RBFOX1: variants seen among roughly 807,000 people sequenced by gnomAD.
The protein encoded by RBFOX1 is RNA binding fox-1 homolog 1.
A neutral mutation model predicts 57.7 loss-of-function variants in RBFOX1; 8 were observed. That is an observed-to-expected ratio of 0.14 (90% CI 0.08 to 0.25). The LOEUF (loss-of-function observed/expected upper bound fraction) is 0.25, where lower values mean the gene tolerates loss of function less well. Among genes scored for constraint, RBFOX1 ranks in the 10% least tolerant of loss-of-function variants. The pLI, the probability that RBFOX1 is intolerant of heterozygous loss-of-function variation, is 1.00. For missense variants in RBFOX1, 611 were observed against 548.5 expected, an observed-to-expected ratio of 1.11 and a Z score of -1.14; for synonymous variants, 326 against 222.4, an observed-to-expected ratio of 1.47 and a Z score of -4.15.
chr16:7,677,126 T>TACACACACACACACACACACAC (rs1314598196), intron 14 of RBFOX1, among the ~76,000 whole-genome samples: 318 of 51,196 alleles, frequency 6.2e-3, no homozygotes, highest in Admixed American at 0.019. Context: ...CTTGCTCACA[T>TACACACACACACACACACACAC]ACACATACAC....
intron 1 of RBFOX1, among the ~76,000 whole-genome samples, chr16:6,140,580 G>T (rs2152699392): frequency 6.6e-6 from 1 of 152,196 alleles, no homozygotes; most frequent in Non-Finnish European, 1.5e-5. Context: ...TCATTCACCT[G>T]GGCAATGAGA....
At chr16:7,356,193 T>C (rs1480039157) in intron 4 of RBFOX1, among the ~76,000 whole-genome samples, 2 of 152,230 alleles carry the variant, frequency 1.3e-5, no homozygotes, top group African/African-American at 2.4e-5. Context: ...GGCAGAGTTC[T>C]AGGCACTGAG....
rs777697694 is a variant in RBFOX1, at chr16:7,247,409, T to C, written c.27+195311T>C. Among the ~76,000 whole-genome samples, 11 of 152,264 alleles carry C rather than the reference T, an allele frequency of 7.2e-5. No homozygotes were observed. In the East Asian group the frequency reaches 1.9e-3, roughly 27 times the overall value. ...TGGAGAAGGAGCAAATACTCCTCTA[T>C]GGTGATCTACCACACACTAAGAGTT... On this transcript the variant is annotated intron_variant, in intron 4 of 15. Transcript: ENST00000550418.
intron 3 of RBFOX1, among the ~76,000 whole-genome samples, chr16:5,689,011 G>T (rs2050589503): frequency 6.6e-6 from 1 of 152,152 alleles, no homozygotes; most frequent in Non-Finnish European, 1.5e-5. Context: ...GTTAAAAAAA[G>T]AAACAAAATC....
chr16:5,796,048 A>G (rs190353577), intron 3 of RBFOX1, among the ~76,000 whole-genome samples: 121 of 152,318 alleles, frequency 7.9e-4, no homozygotes, highest in Admixed American at 7.8e-3. Flanking sequence ...AGTTGAATCT[A>G]GTGCATTTTC....
chr16:6,547,031 G>T (rs2096906026), intron 2 of RBFOX1, among the ~76,000 whole-genome samples: 1 of 152,194 alleles, frequency 6.6e-6, no homozygotes, highest in Admixed American at 6.5e-5. Context: ...TTTTTAAAGT[G>T]CCTGAGCATG....
At chr16:7,339,185 C>T (rs924134433) in intron 4 of RBFOX1, among the ~76,000 whole-genome samples, 1 of 152,132 alleles carries the variant, frequency 6.6e-6, no homozygotes, top group Non-Finnish European at 1.5e-5. Flanking sequence ...GGCTGCAAAA[C>T]AAAAGCAGGA....
chr16:5,458,714 C>A (rs1435099864), intron 1 of RBFOX1, among the ~76,000 whole-genome samples: 1 of 152,216 alleles, frequency 6.6e-6, no homozygotes, highest in African/African-American at 2.4e-5. Flanking sequence ...TTTTGGCTAT[C>A]TGTATTCCTA....
chr16:7,079,916 G>A (rs1382035856), intron 4 of RBFOX1, among the ~76,000 whole-genome samples: 2 of 151,728 alleles, frequency 1.3e-5, no homozygotes. Flanking sequence ...TGGGTGGATG[G>A]TGGTGATGGT....
intron 2 of RBFOX1, among the ~76,000 whole-genome samples, chr16:6,319,193 C>G (rs12919461): frequency 0.15 from 22,930 of 152,012 alleles, 2,103 homozygotes; most frequent in South Asian, 0.27. Context: ...GACACTGGGC[C>G]TGGGCTGATG....
At chr16:6,326,371 G>C (rs897628421) in intron 2 of RBFOX1, among the ~76,000 whole-genome samples, 1 of 152,164 alleles carries the variant, frequency 6.6e-6, no homozygotes, top group African/African-American at 2.4e-5. Context: ...ATCCATGTGA[G>C]ATTAACTATC....
In RBFOX1 at chr16:6,955,450, A is replaced by C. The variant is rs150104860; in HGVS notation, c.-15-96607A>C. Among the ~76,000 whole-genome samples, 309 of 151,934 alleles carry C rather than the reference A, an allele frequency of 2.0e-3. 2 individuals are homozygous for C. The highest frequency in any genetic ancestry group is 6.7e-3 in the African/African-American group (279 of 41,424). On this transcript the variant is annotated intron_variant, in intron 3 of 15. Coordinates refer to ENST00000550418, the MANE Select transcript of RBFOX1 (RefSeq NM_018723.4). Reference sequence around the variant, plus strand: ...TTATGAGAACGTTGTTCTGTGTTCCACTGGTTAGAAGTACTTAAAATGATC... The same window carrying C: ...TTATGAGAACGTTGTTCTGTGTTCCCCTGGTTAGAAGTACTTAAAATGATC...
At chr16:5,839,450 C>A (rs531080205) in intron 3 of RBFOX1, among the ~76,000 whole-genome samples, 65 of 152,260 alleles carry the variant, frequency 4.3e-4, no homozygotes, top group Non-Finnish European at 7.2e-4. Context: ...ATTATCTGGT[C>A]CTGATTCACC....
At chr16:5,853,562 C>T (rs1165199851) in intron 3 of RBFOX1, among the ~76,000 whole-genome samples, 1 of 152,158 alleles carries the variant, frequency 6.6e-6, no homozygotes, top group African/African-American at 2.4e-5. Flanking sequence ...GGTTACATGC[C>T]TTTCTTTTTG....
intron 2 of RBFOX1, among the ~76,000 whole-genome samples, chr16:5,575,161 C>A (rs1310818579): frequency 6.6e-6 from 1 of 152,190 alleles, no homozygotes; most frequent in Non-Finnish European, 1.5e-5. Context: ...AACTATGATG[C>A]TTCTGTTACC....
chr16:5,522,006 C>T (rs1006037309), intron 2 of RBFOX1, among the ~76,000 whole-genome samples: 2 of 152,160 alleles, frequency 1.3e-5, no homozygotes, highest in Non-Finnish European at 2.9e-5. Context: ...GCTGTGACTT[C>T]CTCATCTCTG....
intron 1 of RBFOX1, among the ~76,000 whole-genome samples, chr16:5,278,836 T>C (rs1431178267): frequency 6.6e-6 from 1 of 152,222 alleles, no homozygotes; most frequent in African/African-American, 2.4e-5. Flanking sequence ...CACCATTTAA[T>C]GAAGAGGGTG....
At chr16:5,660,512 T>C (rs2049610951) in intron 3 of RBFOX1, among the ~76,000 whole-genome samples, 1 of 152,148 alleles carries the variant, frequency 6.6e-6, no homozygotes, top group African/African-American at 2.4e-5. Flanking sequence ...GTGTGATGCG[T>C]TCTTTTAGGT....
intron 1 of RBFOX1, among the ~76,000 whole-genome samples, chr16:6,237,511 A>G (rs1388111966): frequency 6.6e-6 from 1 of 152,152 alleles, no homozygotes; most frequent in African/African-American, 2.4e-5. Context: ...TGGGAGGCCA[A>G]CACAGGTGGA....
Sources: allele counts gnomAD v4.1 joint callset (sites outside exome capture counted in the v4.1 genomes callset), GRCh38; gene constraint gnomAD v4.1.1; transcripts MANE v1.5; gene names NCBI Gene and HGNC (gene_info 2026-07-23, HGNC 2026-07-21).